UBE2E1: variants seen among roughly 807,000 people sequenced by gnomAD.
UBE2E1 encodes ubiquitin conjugating enzyme E2 E1, also known as ubiquitin-conjugating enzyme E2 E1.
Under a neutral mutation model 21.4 loss-of-function variants are expected in UBE2E1, and 6 were observed. The observed-to-expected ratio is 0.28, with a 90% CI of 0.15 to 0.55. UBE2E1 has a LOEUF of 0.55. UBE2E1 is among the 20% of genes least tolerant of loss of function. The probability of loss-of-function intolerance (pLI) is 0.93; values close to 1 mark genes in which losing one functional copy is unlikely to be tolerated. For missense variants in UBE2E1, 142 were observed against 236.5 expected, an observed-to-expected ratio of 0.60 and a Z score of 2.62; for synonymous variants, 87 against 82.7, an observed-to-expected ratio of 1.05 and a Z score of -0.28.
intron 3 of UBE2E1, among the ~76,000 whole-genome samples, chr3:23,885,836 G>A (rs552996243): frequency 6.6e-6 from 1 of 152,122 alleles, no homozygotes; most frequent in East Asian, 1.9e-4. Flanking sequence ...CTCCAGCCTG[G>A]GCAACAAGAG....
chr3:23,830,056 C>G (rs1229540911), intron 3 of UBE2E1, among the ~76,000 whole-genome samples: 1 of 152,156 alleles, frequency 6.6e-6, no homozygotes, highest in East Asian at 1.9e-4. Context: ...GATACTTTGT[C>G]AAGAAAATAT....
chr3:23,879,690 G>C (rs776656536), intron 3 of UBE2E1, among the ~76,000 whole-genome samples: 3 of 152,202 alleles, frequency 2.0e-5, no homozygotes, highest in Non-Finnish European at 4.4e-5. Context: ...GCGGAGGACA[G>C]GGCACCAGGT....
chr3:23,884,091 T>G (rs1701119805), intron 3 of UBE2E1, among the ~76,000 whole-genome samples: 1 of 152,166 alleles, frequency 6.6e-6, no homozygotes, highest in African/African-American at 2.4e-5. Context: ...TCATGTTATA[T>G]TGCACCTTTA....
intron 3 of UBE2E1, among the ~76,000 whole-genome samples, chr3:23,834,450 A>T (rs1481632859): frequency 1.3e-5 from 2 of 152,192 alleles, no homozygotes; most frequent in East Asian, 3.8e-4. Context: ...CCTCTGTAGC[A>T]TGTCCCATTA....
At position 23,810,403 on chromosome 3, in the gene UBE2E1, A is replaced by G. The variant is rs1418404370; in HGVS notation, c.153-1057A>G. On this transcript the variant is annotated intron_variant, in intron 2 of 5. Transcript: ENST00000306627. The surrounding 1 kb of genome is among the most constrained non-coding windows in gnomAD (Gnocchi z 5.8). ...GAGTGGGGGATGGGGCCCTTTGTGA[A>G]GTCGAGGGTTGGTGCGGAGGGAGAA... 2 of 1,531,970 alleles carry G rather than the reference A, an allele frequency of 1.3e-6. No individual in the cohort carries two copies. The highest frequency in any genetic ancestry group is 1.7e-6 in the Non-Finnish European group (2 of 1,143,936). 94.9% of individuals were successfully genotyped at this position (1,531,970 alleles called of 1,614,324 possible).
At position 23,887,199 on chromosome 3, in the gene UBE2E1, G is replaced by A. The variant is rs763979784; in HGVS notation, c.204-368G>A. Reference sequence around the variant, plus strand: ...GCTTAAAATGGTCATAAGTGATGTAGCTGTGAGCAAAAACTGCTCGCATTT... The same window carrying A: ...GCTTAAAATGGTCATAAGTGATGTAACTGTGAGCAAAAACTGCTCGCATTT... On this transcript the variant is annotated intron_variant, in intron 3 of 5. Coordinates refer to ENST00000306627, the MANE Select transcript of UBE2E1 (RefSeq NM_003341.5). This position sits in a 1 kb window ranked among gnomAD's most constrained non-coding sequence, Gnocchi z 4.4. 7.2e-5 allele frequency among the ~76,000 whole-genome samples: 11 copies of A among 152,174 alleles called. No homozygotes were observed. Among genetic ancestry groups the A allele is most frequent in the Admixed American group, 1.3e-4 (2 of 15,274 alleles).
intron 1 of UBE2E1, chr3:23,807,021 C>T (rs191488086): frequency 4.9e-6 from 2 of 405,022 alleles, no homozygotes; most frequent in African/African-American, 2.0e-5. Flanking sequence ...AGCTCCAGAC[C>T]GTTTTCCCAC....
chr3:23,888,877 A>G (rs1172318818), intron 4 of UBE2E1, among the ~76,000 whole-genome samples: 1 of 152,250 alleles, frequency 6.6e-6, no homozygotes, highest in Non-Finnish European at 1.5e-5. Flanking sequence ...TAAAATTGCT[A>G]AAGATGAAAT....
At chr3:23,812,302 T>G (rs1274878786) in intron 3 of UBE2E1, among the ~76,000 whole-genome samples, 1 of 152,188 alleles carries the variant, frequency 6.6e-6, no homozygotes, top group Non-Finnish European at 1.5e-5. Flanking sequence ...ACTTTAAAAA[T>G]TAAGTATAAC....
chr3:23,869,174 ATTTC>A (rs1200742807), intron 3 of UBE2E1, among the ~76,000 whole-genome samples: 1 of 152,030 alleles, frequency 6.6e-6, no homozygotes, highest in Non-Finnish European at 1.5e-5. Flanking sequence ...TTTAACTTGT[ATTTC>A]TTTGAGTCTA....
chr3:23,858,181 T>A (rs1340672854), intron 3 of UBE2E1, among the ~76,000 whole-genome samples: 2 of 152,172 alleles, frequency 1.3e-5, no homozygotes, highest in Non-Finnish European at 2.9e-5. Context: ...CAGTGTAAAT[T>A]CTGGATTTCA....
At chr3:23,859,155 C>T (rs539302902) in intron 3 of UBE2E1, among the ~76,000 whole-genome samples, 1 of 152,164 alleles carries the variant, frequency 6.6e-6, no homozygotes, top group Admixed American at 6.5e-5. Flanking sequence ...ATATCTAGTG[C>T]CAGCTCTAGT....
At position 23,863,572 on chromosome 3, in the gene UBE2E1, G is replaced by C. The variant is rs1191422668; in HGVS notation, c.204-23995G>C. Among the ~76,000 whole-genome samples the C allele has an allele frequency of 6.6e-6, 1 of 151,952 alleles. No homozygotes were observed. The highest frequency in any genetic ancestry group is 1.5e-5 in the Non-Finnish European group (1 of 67,996). On this transcript the variant is annotated intron_variant, in intron 3 of 5. Coordinates refer to ENST00000306627, the MANE Select transcript of UBE2E1 (RefSeq NM_003341.5). The surrounding 1 kb of genome is among the most constrained non-coding windows in gnomAD (Gnocchi z 4.3). ...TGAGACGGAGTTTCGCTCTTGTTGCGCAGGCTGGAGTGCAGTGGCGCGATC... is the reference window on the plus strand; with the variant it reads ...TGAGACGGAGTTTCGCTCTTGTTGCCCAGGCTGGAGTGCAGTGGCGCGATC...
At chr3:23,840,878 C>A (rs1358766484) in intron 3 of UBE2E1, among the ~76,000 whole-genome samples, 7 of 152,248 alleles carry the variant, frequency 4.6e-5, no homozygotes, top group African/African-American at 1.7e-4. Flanking sequence ...TTTAGTTTTC[C>A]TTTCTCAGAG....
intron 3 of UBE2E1, among the ~76,000 whole-genome samples, chr3:23,813,648 A>C (rs955265358): frequency 2.0e-5 from 3 of 152,092 alleles, no homozygotes; most frequent in Non-Finnish European, 4.4e-5. Flanking sequence ...GTCCTGGTTC[A>C]AGCAATTCTC....
At chr3:23,883,523 C>T (rs934901625) in intron 3 of UBE2E1, among the ~76,000 whole-genome samples, 4 of 152,178 alleles carry the variant, frequency 2.6e-5, no homozygotes, top group Non-Finnish European at 5.9e-5. Flanking sequence ...TTGTACGCCC[C>T]TGCATCAGAA....
chr3:23,814,651 A>G (rs1699473855), intron 3 of UBE2E1, among the ~76,000 whole-genome samples: 1 of 152,238 alleles, frequency 6.6e-6, no homozygotes, highest in Non-Finnish European at 1.5e-5. Flanking sequence ...CTTAGATTGT[A>G]AAATTATGCC....
At chr3:23,861,538 C>G (rs1457266001) in intron 3 of UBE2E1, among the ~76,000 whole-genome samples, 1 of 152,186 alleles carries the variant, frequency 6.6e-6, no homozygotes, top group Admixed American at 6.5e-5. Context: ...GTTGCATTTC[C>G]CAAGACCACT....
rs546057100 is a variant in UBE2E1 at position 23,808,343 on chromosome 3, A to G, written c.152+922A>G. 1.3e-5 allele frequency among the ~76,000 whole-genome samples: 2 copies of G among 152,268 alleles called. No homozygotes were observed. Among genetic ancestry groups the G allele is most frequent in the South Asian group, 4.1e-4 (2 of 4,824 alleles). ...TCAAAATCATCTTTAGTGGATTCCT[A>G]GGAGCTCTGAGACACCCTTTCATAA... is the stretch of plus-strand genomic sequence containing the variant. On this transcript the variant is annotated intron_variant, in intron 2 of 5. Coordinates refer to ENST00000306627, the MANE Select transcript of UBE2E1 (RefSeq NM_003341.5). This position sits in a 1 kb window ranked among gnomAD's most constrained non-coding sequence, Gnocchi z 4.9.
Sources: gnomAD v4.1 joint callset for allele counts (sites outside exome capture counted in the v4.1 genomes callset) on GRCh38, gnomAD v4.1.1 for gene constraint, Gnocchi (gnomAD v3.1) non-coding constraint, MANE v1.5 for transcripts, NCBI Gene and HGNC (gene_info 2026-07-23, HGNC 2026-07-21) for gene names.